Variants in GPC6 observed in about 807,000 individuals in gnomAD.
The protein encoded by GPC6 is glypican 6.
GPC6 carries 14 observed loss-of-function variants against 55.2 expected under a neutral mutation model. The ratio of observed to expected loss-of-function variants is 0.25; its 90% CI spans 0.17 to 0.40. The LOEUF (loss-of-function observed/expected upper bound fraction) is 0.40, where lower values mean the gene tolerates loss of function less well. GPC6 is among the 10% of genes least tolerant of loss of function. The pLI is 1.00. For missense variants in GPC6, 641 were observed against 708.5 expected (o/e 0.90, Z 1.08); for synonymous variants, 278 against 259.6 (o/e 1.07, Z -0.68).
chr13:93,767,951 A>G (rs1387505036), intron 2 of GPC6, among the ~76,000 whole-genome samples: 1 of 152,100 alleles, frequency 6.6e-6, no homozygotes, highest in Non-Finnish European at 1.5e-5. Context: ...TTGGTTTCTT[A>G]AGCTATTGAG....
At chr13:93,626,108 C>T (rs2139564361) in intron 2 of GPC6, among the ~76,000 whole-genome samples, 1 of 152,186 alleles carries the variant, frequency 6.6e-6, no homozygotes, top group East Asian at 1.9e-4. Context: ...AACGCTATGG[C>T]AATAATGCAG....
chr13:93,660,907 C>T (rs1250944815), intron 2 of GPC6, among the ~76,000 whole-genome samples: 1 of 152,152 alleles, frequency 6.6e-6, no homozygotes. Flanking sequence ...CATGACCCAT[C>T]TGAGATGAGT....
intron 1 of GPC6, among the ~76,000 whole-genome samples, chr13:93,493,510 G>T (rs1212374429): frequency 2.6e-5 from 3 of 117,028 alleles, no homozygotes; most frequent in African/African-American, 9.5e-5. Flanking sequence ...GGTTTTTTGT[G>T]TCTCTATTTC....
chr13:94,370,008 T>C (rs1469194713), intron 6 of GPC6, among the ~76,000 whole-genome samples: 2 of 152,212 alleles, frequency 1.3e-5, no homozygotes, highest in African/African-American at 4.8e-5. Context: ...CAAAGCTCTG[T>C]TTACTGAGTC....
intron 4 of GPC6, among the ~76,000 whole-genome samples, chr13:94,222,996 TAGGAAACCCTTAAAATGA>T (rs1594072954): frequency 6.6e-6 from 1 of 152,124 alleles, no homozygotes; most frequent in African/African-American, 2.4e-5. Context: ...CTGAATATGC[TAGGAAACCCTTAAAATGA>T]AGTAAATTTG....
chr13:93,276,219 T>C, intron 1 of GPC6, among the ~76,000 whole-genome samples: 1 of 152,060 alleles, frequency 6.6e-6, no homozygotes, highest in Non-Finnish European at 1.5e-5. Context: ...TAAAACCATT[T>C]ACCCTTAGTC....
At chr13:94,179,879 G>A (rs1297737783) in intron 4 of GPC6, among the ~76,000 whole-genome samples, 1 of 152,132 alleles carries the variant, frequency 6.6e-6, no homozygotes, top group African/African-American at 2.4e-5. Context: ...AGCAGAAGGT[G>A]AAATTATTTC....
chr13:94,178,221 A>T (rs549393269), intron 4 of GPC6, among the ~76,000 whole-genome samples: 26 of 151,566 alleles, frequency 1.7e-4, no homozygotes, highest in African/African-American at 5.6e-4. Flanking sequence ...TTGCTCTTGA[A>T]CTCCTGACTT....
chr13:93,954,030 A>C (rs546626412), intron 3 of GPC6, among the ~76,000 whole-genome samples: 1 of 152,234 alleles, frequency 6.6e-6, no homozygotes, highest in Non-Finnish European at 1.5e-5. Flanking sequence ...ATCCCAAAAG[A>C]AAGCTCTTTG....
At chr13:93,958,184 A>C (rs970411583) in intron 3 of GPC6, among the ~76,000 whole-genome samples, 7 of 152,138 alleles carry the variant, frequency 4.6e-5, no homozygotes, top group Admixed American at 1.3e-4. Flanking sequence ...CTCTATTGAT[A>C]GTTTCTCTGG....
chr13:93,540,420 C>T (rs886330406), intron 1 of GPC6, among the ~76,000 whole-genome samples: 1 of 152,070 alleles, frequency 6.6e-6, no homozygotes, highest in East Asian at 1.9e-4. Context: ...GAATTATTAA[C>T]TTGAATTTGA....
intron 4 of GPC6, among the ~76,000 whole-genome samples, chr13:94,122,045 C>A (rs1170252518): frequency 6.6e-6 from 1 of 151,876 alleles, no homozygotes; most frequent in Non-Finnish European, 1.5e-5. Flanking sequence ...TTATGGGGCA[C>A]CCTAAAAGAT....
intron 2 of GPC6, among the ~76,000 whole-genome samples, chr13:93,656,697 C>T (rs904322875): frequency 6.6e-6 from 1 of 151,970 alleles, no homozygotes; most frequent in Admixed American, 6.6e-5. Flanking sequence ...CAAATAAGCT[C>T]CTAGTGAGAT....
At position 93,469,799 on chromosome 13, in the gene GPC6, G is replaced by A. The variant is rs565264205; in HGVS notation, c.161-75464G>A. On this transcript the variant is annotated intron_variant, in intron 1 of 8. Coordinates refer to ENST00000377047, the MANE Select transcript of GPC6 (RefSeq NM_005708.5). ...ATGAAATTTACACTAGGTTTTTTTT[G>A]TTGTTGGTGGTGGTGTTACTTTTTG... 5.3e-5 allele frequency among the ~76,000 whole-genome samples: 8 copies of A among 151,450 alleles called. No individual in the cohort carries two copies. The South Asian group carries it at 1.5e-3, about 27-fold the overall frequency.
intron 1 of GPC6, among the ~76,000 whole-genome samples, chr13:93,539,367 G>C (rs757925724): frequency 6.6e-6 from 1 of 151,976 alleles, no homozygotes; most frequent in African/African-American, 2.4e-5. Flanking sequence ...AAGATGATCG[G>C]GAATACCCTT....
At chr13:93,794,921 T>G (rs774865101) in intron 2 of GPC6, among the ~76,000 whole-genome samples, 24 of 152,262 alleles carry the variant, frequency 1.6e-4, no homozygotes, top group Non-Finnish European at 2.9e-4. Flanking sequence ...TTATAAACTA[T>G]ATCACTCTTT....
At chr13:94,108,724 C>A (rs1161002075) in intron 4 of GPC6, among the ~76,000 whole-genome samples, 3 of 151,914 alleles carry the variant, frequency 2.0e-5, no homozygotes. Flanking sequence ...TGCCTGTAAT[C>A]CCAGCCACTC....
At chr13:93,907,522 TAACTGTCTGCAG>T (rs1171820164) in intron 3 of GPC6, among the ~76,000 whole-genome samples, 4 of 152,144 alleles carry the variant, frequency 2.6e-5, no homozygotes, top group Non-Finnish European at 5.9e-5. Context: ...TTGTTTTTAA[TAACTGTCTGCAG>T]ACAGATCTAT....
At chr13:94,327,254 CT>C (rs1443669441) in intron 6 of GPC6, among the ~76,000 whole-genome samples, 1 of 152,180 alleles carries the variant, frequency 6.6e-6, no homozygotes, top group Non-Finnish European at 1.5e-5. Flanking sequence ...GCTTTTCCCC[CT>C]CTGTGTCAGC....
Sources: allele counts gnomAD v4.1 joint callset (sites outside exome capture counted in the v4.1 genomes callset), GRCh38; gene constraint gnomAD v4.1.1; transcripts MANE v1.5; gene names NCBI Gene and HGNC (gene_info 2026-07-23, HGNC 2026-07-21).